CSMD3: variants seen among roughly 807,000 people sequenced by gnomAD.
CSMD3 encodes the protein CUB and Sushi multiple domains 3.
In CSMD3, 177 loss-of-function variants were observed where a neutral mutation model predicts 435.2. The ratio of observed to expected loss-of-function variants is 0.41; its 90% confidence interval spans 0.36 to 0.46. The LOEUF (loss-of-function observed/expected upper bound fraction) is 0.46, where lower values mean the gene tolerates loss of function less well. CSMD3 is among the 20% of genes least tolerant of loss of function. The probability of loss-of-function intolerance (pLI) is 0.34; values close to 1 mark genes in which losing one functional copy is unlikely to be tolerated. For missense variants in CSMD3, 4,265 were observed against 4,504.6 expected (o/e 0.95, Z 1.52); for synonymous variants, 1,656 against 1,520.5 (o/e 1.09, Z -2.07).
intron 13 of CSMD3, among the ~76,000 whole-genome samples, chr8:112,791,910 T>C (rs1325106200): frequency 6.6e-6 from 1 of 152,198 alleles, no homozygotes; most frequent in Non-Finnish European, 1.5e-5. Context: ...TTCACCACTC[T>C]AGTGGGTATG....
At chr8:113,387,775 G>A (rs1290026334) in intron 1 of CSMD3, among the ~76,000 whole-genome samples, 2 of 151,626 alleles carry the variant, frequency 1.3e-5, no homozygotes, top group Admixed American at 6.6e-5. Flanking sequence ...CAAAGCAAAA[G>A]CATTTGGATT....
intron 13 of CSMD3, among the ~76,000 whole-genome samples, chr8:112,719,535 C>T (rs936176547): frequency 6.6e-6 from 1 of 152,062 alleles, no homozygotes; most frequent in Non-Finnish European, 1.5e-5. Flanking sequence ...GATATATCCT[C>T]ACATGGGAAA....
intron 3 of CSMD3, among the ~76,000 whole-genome samples, chr8:113,201,188 A>G (rs2092712793): frequency 6.6e-6 from 1 of 151,988 alleles, no homozygotes; most frequent in African/African-American, 2.4e-5. Flanking sequence ...GCTAAAAACA[A>G]TTCCTCATTT....
intron 12 of CSMD3, among the ~76,000 whole-genome samples, chr8:112,827,208 A>ATATAC (rs2079723237): frequency 3.3e-5 from 2 of 60,194 alleles, no homozygotes; most frequent in African/African-American, 6.1e-5. Flanking sequence ...TATATATATA[A>ATATAC]TCTTTCTACC....
At chr8:113,400,373 A>G (rs1162806077) in intron 1 of CSMD3, among the ~76,000 whole-genome samples, 1 of 151,970 alleles carries the variant, frequency 6.6e-6, no homozygotes, top group African/African-American at 2.4e-5. Flanking sequence ...GGCTAATACT[A>G]GGGACGCAGA....
At chr8:113,291,988 T>C (rs1375126537) in intron 2 of CSMD3, among the ~76,000 whole-genome samples, 1 of 151,714 alleles carries the variant, frequency 6.6e-6, no homozygotes, top group Non-Finnish European at 1.5e-5. Flanking sequence ...AATTGCATAA[T>C]GTTTTTAAGC....
chr8:113,147,671 GA>G (rs2131764112), intron 4 of CSMD3, among the ~76,000 whole-genome samples: 1 of 151,672 alleles, frequency 6.6e-6, no homozygotes, highest in South Asian at 2.1e-4. Flanking sequence ...TAGGTGTGTG[GA>G]GGGGAGAGGG....
chr8:112,226,559 T>C (rs775407539), intron 70 of CSMD3, among the ~76,000 whole-genome samples: 17 of 152,082 alleles, frequency 1.1e-4, no homozygotes, highest in Non-Finnish European at 2.1e-4. Context: ...AAAAAATAAA[T>C]TTAACTTCAT....
intron 63 of CSMD3, among the ~76,000 whole-genome samples, chr8:112,247,464 T>G (rs1362493823): frequency 6.6e-6 from 1 of 151,930 alleles, no homozygotes; most frequent in Admixed American, 6.6e-5. Context: ...GAGAGATAGA[T>G]AGTTAGATAA....
In CSMD3 at chr8:113,210,003, GGTGTGT is replaced by G. The variant is rs3048831; in HGVS notation, c.515-36093_515-36088del. On this transcript the variant is annotated intron_variant, in intron 3 of 70. Coordinates refer to ENST00000297405, the MANE Select transcript of CSMD3 (RefSeq NM_198123.2). ...CTAACCCGTTTTACTTCTCCTAAAAGGTGTGTGTGTGTGTGTGTGTGTGTGTGTGTG... is the reference window on the plus strand; with the variant it reads ...CTAACCCGTTTTACTTCTCCTAAAAGGTGTGTGTGTGTGTGTGTGTGTGTG... Among the ~76,000 whole-genome samples, 1,067 of 139,030 alleles carry G rather than the reference GGTGTGT, an allele frequency of 7.7e-3. 8 individuals are homozygous for G. The highest frequency in any genetic ancestry group is 0.018 in the African/African-American group (712 of 39,332). The allele number at this position is 139,030 out of a possible 152,430, so 91.2% of individuals were successfully genotyped here. A position where few individuals can be genotyped will look rare whatever the true frequency, so the allele number is the denominator to read the frequency against.
At chr8:112,246,064 T>C (rs1814695815) in intron 64 of CSMD3, among the ~76,000 whole-genome samples, 1 of 152,186 alleles carries the variant, frequency 6.6e-6, no homozygotes, top group Non-Finnish European at 1.5e-5. Context: ...GTGAAATACC[T>C]AGTTACAGCC....
intron 1 of CSMD3, among the ~76,000 whole-genome samples, chr8:113,326,233 GAC>G (rs1402623522): frequency 2.0e-5 from 3 of 152,052 alleles, no homozygotes; most frequent in African/African-American, 7.2e-5. Flanking sequence ...CCTTGTTTCT[GAC>G]AGTCTTTCTT....
At chr8:112,803,312 G>A (rs2079002954) in intron 12 of CSMD3, among the ~76,000 whole-genome samples, 1 of 152,040 alleles carries the variant, frequency 6.6e-6, no homozygotes, top group South Asian at 2.1e-4. Context: ...TAGACCTCCA[G>A]TTCTCCTAGT....
chr8:113,073,207 C>T (rs1387853533), intron 5 of CSMD3, among the ~76,000 whole-genome samples: 1 of 151,104 alleles, frequency 6.6e-6, no homozygotes, highest in Non-Finnish European at 1.5e-5. Flanking sequence ...AGAGATTTTA[C>T]AATTTATTTT....
intron 6 of CSMD3, among the ~76,000 whole-genome samples, chr8:112,988,242 T>C (rs2131002780): frequency 6.6e-6 from 1 of 152,188 alleles, no homozygotes; most frequent in Non-Finnish European, 1.5e-5. Flanking sequence ...ATGTTTTTCC[T>C]GTCAAATATG....
intron 16 of CSMD3, among the ~76,000 whole-genome samples, chr8:112,678,362 A>C (rs971549667): frequency 1.2e-4 from 19 of 152,190 alleles, no homozygotes; most frequent in Non-Finnish European, 2.4e-4. Flanking sequence ...TAAAAGCAAG[A>C]CATCCACTAG....
intron 8 of CSMD3, among the ~76,000 whole-genome samples, chr8:112,950,994 G>T (rs77836943): frequency 0.01 from 1,576 of 151,898 alleles, 22 homozygotes; most frequent in African/African-American, 0.036. Context: ...ACCATTTCTG[G>T]ACATCTGCAA....
chr8:113,435,609 C>A (rs2094700957), intron 1 of CSMD3, among the ~76,000 whole-genome samples: 1 of 151,790 alleles, frequency 6.6e-6, no homozygotes, highest in Non-Finnish European at 1.5e-5. Context: ...CCCTTTCCCG[C>A]GATCCCCCGC....
At position 112,281,315 on chromosome 8, in the gene CSMD3, C is replaced by T. The variant is rs2130580811; in HGVS notation, c.9367G>A (p.Gly3123Arg). The T allele has an allele frequency of 6.2e-7, 1 of 1,613,388 alleles. No homozygotes were observed. Among genetic ancestry groups the T allele is most frequent in the Non-Finnish European group, 8.5e-7 (1 of 1,179,570 alleles). Reference sequence around the variant, plus strand: ...GTGCCATCAATTCGGAAGACTTTCCCATTGGCTGTGGTTCCTGGGTTACCA... The same window carrying T: ...GTGCCATCAATTCGGAAGACTTTCCTATTGGCTGTGGTTCCTGGGTTACCA... ...QCGNPGTTAN[G>R]KVFRIDGTTF... The change falls in exon 59 of 71, where the codon GGG becomes AGG. Residue 3123 changes from glycine (G) to arginine (R), a missense_variant. Coordinates refer to ENST00000297405, the MANE Select transcript of CSMD3 (RefSeq NM_198123.2).
Sources: gnomAD v4.1 joint callset for allele counts (sites outside exome capture counted in the v4.1 genomes callset) on GRCh38, gnomAD v4.1.1 for gene constraint, MANE v1.5 for transcripts, NCBI Gene and HGNC (gene_info 2026-07-23, HGNC 2026-07-21) for gene names.